Variants in VPS9D1 observed in about 807,000 individuals in gnomAD.
The protein encoded by VPS9D1 is VPS9 domain-containing protein 1.
A neutral mutation model predicts 75.8 loss-of-function variants in VPS9D1; 78 were observed. That is an observed-to-expected ratio of 1.03 (90% CI 0.86 to 1.24). The LOEUF is 1.24. Ranked by LOEUF, VPS9D1 falls within the 50% of genes most tolerant of loss-of-function variation. The pLI is 0.00. For missense variants in VPS9D1, 1,057 were observed against 847.7 expected (o/e 1.25, Z -3.07); for synonymous variants, 481 against 385.6 (o/e 1.25, Z -2.90).
At chr16:89,713,106 G>A (rs2060976459) in intron 4 of VPS9D1, 1 of 155,944 alleles carries the variant, frequency 6.4e-6, no homozygotes, top group Non-Finnish European at 1.4e-5. Context: ...TTGATCCCGG[G>A]AGGTGATGCA....
chr16:89,711,796 C>CT (rs1437994227), intron 8 of VPS9D1, 86 bp downstream of exon 8: 1 of 1,459,396 alleles, frequency 6.9e-7, no homozygotes, highest in Non-Finnish European at 9.3e-7. Context: ...CTGGCTCCGC[C>CT]CCCCACGGGG....
intron 12 of VPS9D1, 69 bp from the exon 13 acceptor site, chr16:89,709,025 G>GCCCT: frequency 1.6e-6 from 1 of 627,174 alleles, no homozygotes; most frequent in South Asian, 3.0e-5. Context: ...CTTATACCCC[G>GCCCT]CCCACCCACC....
chr16:89,718,495 G>T (rs1597936209), intron 2 of VPS9D1, among the ~76,000 whole-genome samples: 4 of 152,266 alleles, frequency 2.6e-5, no homozygotes, highest in African/African-American at 9.6e-5. Flanking sequence ...TGGAGCCAGT[G>T]TCTTGCCACA....
chr16:89,720,740 GCCCCGC>G lies in VPS9D1; in HGVS notation c.99+17_99+22del. 1.4e-6 allele frequency: 2 copies of G among 1,430,020 alleles called. No individual in the cohort carries two copies. The highest frequency in any genetic ancestry group is 1.5e-5 in the African/African-American group (1 of 67,374). The allele number at this position is 1,430,020 out of a possible 1,614,324, so 88.6% of individuals were successfully genotyped here. A position where few individuals can be genotyped will look rare whatever the true frequency, so the allele number is the denominator to read the frequency against. On this transcript the variant is annotated intron_variant, in intron 1 of 14. Coordinates refer to ENST00000389386, the MANE Select transcript of VPS9D1 (RefSeq NM_004913.3). ...TCCAGGGGCCACCCTCAGCGGCCAA[GCCCCGC>G]CCCCGCCCCGCCTCACCCGGGGCCG...
rs182342705 is a variant in VPS9D1 at position 89,708,491 on chromosome 16, G to A, written c.1738C>T (p.Leu580=). 3.1e-6 allele frequency: 5 copies of A among 1,613,056 alleles called. No homozygotes were observed. The highest frequency in any genetic ancestry group is 4.5e-5 in the East Asian group (2 of 44,894). Residue 580 remains leucine (L), a synonymous_variant, in exon 14 of 15, where the codon CTG becomes TTG. Transcript: ENST00000389386. ...DLLPILSFVV[L]RSGLPQLVSE... ...ACCAGCTGAGGGAGGCCGCTCCTCA[G>A]CACCACGAAGGACAGGATGGGCAGC...
chr16:89,716,738 G>A lies in VPS9D1; in HGVS notation c.260C>T (p.Ala87Val). Residue 87 changes from alanine to valine, a missense_variant, in exon 3 of 15, where the codon GCC (alanine) becomes GTC (valine). Ala to Val is a moderately conservative substitution (Grantham distance 64, BLOSUM62 0). Coordinates refer to ENST00000389386, the MANE Select transcript of VPS9D1 (RefSeq NM_004913.3). ...QCLERAQSTA[A>V]KLGKTRLKPT... ...TACTGCAGGAGACCCACCAAGCTTG[G>A]CGGCCGTCGACTGGGCCCTCTCCAG... 6.3e-7 allele frequency: 1 copy of A among 1,588,552 alleles called. No homozygotes were observed. Among genetic ancestry groups the A allele is most frequent in the Non-Finnish European group, 8.6e-7 (1 of 1,167,232 alleles).
chr16:89,707,950 G>A lies in VPS9D1; in HGVS notation c.1807C>T (p.Leu603=). 2 of 1,612,966 alleles carry A rather than the reference G, an allele frequency of 1.2e-6. No individual in the cohort carries two copies. Among genetic ancestry groups the A allele is most frequent in the Non-Finnish European group, 1.7e-6 (2 of 1,179,924 alleles). Residue 603 remains leucine, a synonymous_variant, in exon 15 of 15, where the codon CTG becomes TTG. Coordinates refer to ENST00000389386, the MANE Select transcript of VPS9D1 (RefSeq NM_004913.3). ...AGGCAGTAGCCCTCCTCTCCGATCA[G>A]GTACCTGCATGGATGGCAGGGGCAG... The part of the protein sequence containing the change: ...ALEEFIHEGY[L]IGEEGYCLTS...
intron 1 of VPS9D1, 153 bp downstream of exon 1, chr16:89,720,610 C>G: frequency 8.2e-7 from 1 of 1,223,498 alleles, no homozygotes; most frequent in South Asian, 3.1e-5. Flanking sequence ...TGCGCCCCGC[C>G]CCCGTCCTCG....
intron 6 of VPS9D1, 113 bp from the exon 7 acceptor site, chr16:89,712,212 G>T: frequency 6.8e-7 from 1 of 1,471,430 alleles, no homozygotes; most frequent in Non-Finnish European, 9.2e-7. Flanking sequence ...TCGGTGAGGG[G>T]CTGTCCCCAG....
rs143844989 is a variant in VPS9D1 at position 89,708,981 on chromosome 16, G to A, written c.1598-25C>T. 6.5e-4 allele frequency: 1,021 copies of A among 1,571,710 alleles called. 10 individuals carry two copies. The East Asian group carries it at 0.018, about 28-fold the overall frequency. On this transcript the variant is annotated intron_variant, in intron 12 of 14. Transcript: ENST00000389386. ...ACTGCGCCCCAGACAGGGTTTCAGG[G>A]GCAGTTAACCCCGTCCAGCAGCCTG...
chr16:89,709,564 C>T (rs1597903318), intron 11 of VPS9D1, 129 bp from the exon 12 acceptor site: 3 of 1,288,006 alleles, frequency 2.3e-6, no homozygotes, highest in East Asian at 2.6e-5. Context: ...CCCAGCGTTG[C>T]CAAGACCCCA....
chr16:89,719,153 C>G (rs1480486621), intron 1 of VPS9D1, 51 bp from the exon 2 acceptor site: 2 of 1,561,776 alleles, frequency 1.3e-6, no homozygotes. Context: ...AGGGAAGTGA[C>G]TCCATTATTC....
At chr16:89,709,065 C>T (rs2060856739) in intron 12 of VPS9D1, 109 bp from the exon 13 acceptor site, 1 of 1,009,930 alleles carries the variant, frequency 9.9e-7, no homozygotes, top group Non-Finnish European at 1.3e-6. Context: ...CTGGGAAGAG[C>T]CACGGTGACC....
Position 89,719,098 on chromosome 16 carries a change from G to T in VPS9D1, c.104C>A (p.Ala35Glu). ...GATGCTCCTCAGGTATTCCGTGTAT[G>T]CCTCCTGTGTCCAGGAAAGAGAAAG... ...ELDTGNRPRE[A>E]YTEYLRSIHY... Residue 35 changes from alanine (A) to glutamate (E), a missense_variant, in exon 2 of 15, where the codon GCA becomes GAA. By Grantham distance (107) the Ala-to-Glu change is moderately radical. Transcript: ENST00000389386. The T allele has an allele frequency of 1.9e-6, 3 of 1,613,446 alleles. No individual in the cohort carries two copies. Among genetic ancestry groups the T allele is most frequent in the Non-Finnish European group, 2.5e-6 (3 of 1,179,734 alleles).
chr16:89,710,029 C>T, intron 10 of VPS9D1, 123 bp from the exon 11 acceptor site: 2 of 1,380,484 alleles, frequency 1.4e-6, no homozygotes, highest in Non-Finnish European at 1.9e-6. Context: ...GCCTCCTGCA[C>T]CCACCCCTGA....
chr16:89,713,917 C>G (rs1029123261), intron 4 of VPS9D1, among the ~76,000 whole-genome samples: 1 of 151,884 alleles, frequency 6.6e-6, no homozygotes, highest in Non-Finnish European at 1.5e-5. Flanking sequence ...GACTCTGTCT[C>G]AAAAAATCAC....
rs767399931 is a variant in VPS9D1, at chr16:89,708,442, T to G, written c.1787A>C (p.Glu596Ala). ...CAGGGTCTACCCCTCGTGGATGAAC[T>G]CCTCCAGGGCCGCGCACTCCGACAC... ...QLVSECAALE[E>A]FIHEGYLIGE... The change falls in exon 14 of 15, where the codon GAG (glutamate) becomes GCG (alanine). Residue 596 changes from glutamate (E) to alanine (A), a missense_variant. Transcript: ENST00000389386. The G allele has an allele frequency of 6.2e-7, 1 of 1,612,100 alleles. No individual in the cohort carries two copies. The highest frequency in any genetic ancestry group is 8.5e-7 in the Non-Finnish European group (1 of 1,179,602).
chr16:89,718,994 G>A (rs569190031), intron 2 of VPS9D1, 33 bp downstream of exon 2: 42 of 1,595,352 alleles, frequency 2.6e-5, no homozygotes, highest in Middle Eastern at 3.3e-4. Flanking sequence ...GATTACAGGC[G>A]TGAGCCACCG....
In VPS9D1 at chr16:89,719,245, G is replaced by A. The variant is rs762264875; in HGVS notation, c.100-143C>T. ...ATACACCCAGAGACATTGAGCCTGC[G>A]GTGGTTAGCTGCAGCCGGAACACGG... On this transcript the variant is annotated intron_variant, in intron 1 of 14. Transcript: ENST00000389386. 1.3e-4 allele frequency: 104 copies of A among 802,334 alleles called. No homozygotes were observed. In the East Asian group the frequency reaches 2.0e-3, roughly 15 times the overall value. 49.7% of individuals were successfully genotyped at this position (802,334 alleles called of 1,614,324 possible).
Sources: allele counts gnomAD v4.1 joint callset (sites outside exome capture counted in the v4.1 genomes callset), GRCh38; gene constraint gnomAD v4.1.1; transcripts MANE v1.5; gene names NCBI Gene and HGNC (gene_info 2026-07-23, HGNC 2026-07-21).